GRIK4: variants seen among roughly 807,000 people sequenced by gnomAD.
GRIK4 encodes the protein glutamate ionotropic receptor kainate type subunit 4.
A neutral mutation model predicts 104.9 loss-of-function variants in GRIK4; 40 were observed. That is an observed-to-expected ratio of 0.38 (90% confidence interval 0.30 to 0.50). The LOEUF is 0.50. GRIK4 is among the 20% of genes least tolerant of loss of function. The pLI is 0.93. For missense variants in GRIK4, 1,047 were observed against 1,308.1 expected (o/e 0.80, Z 3.08); for synonymous variants, 485 against 524.9 (o/e 0.92, Z 1.04).
intron 13 of GRIK4, among the ~76,000 whole-genome samples, chr11:120,925,222 C>A (rs886639194): frequency 7.2e-4 from 109 of 152,140 alleles, no homozygotes; most frequent in African/African-American, 2.4e-3. Context: ...CAAAAACAGT[C>A]CTAATAACAG....
chr11:120,581,997 C>T (rs1214906318), intron 1 of GRIK4, among the ~76,000 whole-genome samples: 2 of 151,580 alleles, frequency 1.3e-5, no homozygotes, highest in East Asian at 1.9e-4. Flanking sequence ...TTAGTAGAGA[C>T]GGGGTTTCAC....
chr11:120,968,604 G>T (rs1398801812), intron 19 of GRIK4, among the ~76,000 whole-genome samples: 1 of 152,184 alleles, frequency 6.6e-6, no homozygotes, highest in African/African-American at 2.4e-5. Context: ...TACGGAGCAA[G>T]TATTTTTTAT....
At chr11:120,708,781 T>A (rs147267419) in intron 3 of GRIK4, among the ~76,000 whole-genome samples, 1 of 152,180 alleles carries the variant, frequency 6.6e-6, no homozygotes, top group Non-Finnish European at 1.5e-5. Flanking sequence ...AGTCTTTGCT[T>A]TGCGCAGGGC....
At chr11:120,839,286 G>C (rs1477235244) in intron 8 of GRIK4, among the ~76,000 whole-genome samples, 1 of 152,188 alleles carries the variant, frequency 6.6e-6, no homozygotes, top group East Asian at 1.9e-4. Flanking sequence ...TAGGTCCTCA[G>C]ATCAGCTTTT....
intron 3 of GRIK4, among the ~76,000 whole-genome samples, chr11:120,795,228 C>G (rs994748446): frequency 6.6e-6 from 1 of 152,218 alleles, no homozygotes; most frequent in African/African-American, 2.4e-5. Context: ...CAGCGAGGCT[C>G]TGGAAGAACT....
intron 3 of GRIK4, among the ~76,000 whole-genome samples, chr11:120,717,909 G>T (rs1318448990): frequency 6.6e-6 from 1 of 152,106 alleles, no homozygotes; most frequent in Non-Finnish European, 1.5e-5. Context: ...TCCCAGCAAG[G>T]CTGGGGTAGG....
chr11:120,622,404 G>A (rs1949201129), intron 1 of GRIK4, among the ~76,000 whole-genome samples: 2 of 152,188 alleles, frequency 1.3e-5, no homozygotes, highest in African/African-American at 4.8e-5. Flanking sequence ...TATCTGGGTA[G>A]TTTGACTTCA....
Position 120,819,626 on chromosome 11 carries a change from C to T in GRIK4, c.346-129C>T. ...AGTGGGTGCCCTGGGAGCTCCTTCT[C>T]CCATTGGTGTCTGGCGAAGGTGTTA... On this transcript the variant is annotated intron_variant, in intron 5 of 20. Coordinates refer to ENST00000527524, the MANE Select transcript of GRIK4 (RefSeq NM_014619.5). This position sits in a 1 kb window ranked among gnomAD's most constrained non-coding sequence, Gnocchi z 4.3. 1 of 805,122 alleles carries T rather than the reference C, an allele frequency of 1.2e-6. No individual in the cohort carries two copies. The highest frequency in any genetic ancestry group is 1.6e-5 in the South Asian group (1 of 63,256). 49.9% of individuals were successfully genotyped at this position (805,122 alleles called of 1,614,324 possible).
intron 10 of GRIK4, 41 bp downstream of exon 10, chr11:120,874,259 A>G: frequency 1.3e-6 from 2 of 1,550,224 alleles, no homozygotes; most frequent in South Asian, 1.1e-5. Flanking sequence ...TGCCCAGGCT[A>G]GTGGGGTGGG....
At chr11:120,791,063 G>T (rs928453804) in intron 3 of GRIK4, among the ~76,000 whole-genome samples, 1 of 152,188 alleles carries the variant, frequency 6.6e-6, no homozygotes, top group African/African-American at 2.4e-5. Flanking sequence ...GGGTTTTGGA[G>T]TTATCTGCAT....
At position 120,981,091 on chromosome 11, in the gene GRIK4, A is replaced by G. The variant is rs1944644130; in HGVS notation, c.2396-1015A>G. 2.6e-5 allele frequency among the ~76,000 whole-genome samples: 4 copies of G among 152,266 alleles called. No homozygotes were observed. The South Asian group carries it at 8.3e-4, about 32-fold the overall frequency. Reference sequence around the variant, plus strand: ...TCAGATGTGCAAGCATTCCTGAAAAACACGGGACACAAGAGACCCTCCTGG... The same window carrying G: ...TCAGATGTGCAAGCATTCCTGAAAAGCACGGGACACAAGAGACCCTCCTGG... On this transcript the variant is annotated intron_variant, in intron 19 of 20. Transcript: ENST00000527524.
intron 11 of GRIK4, among the ~76,000 whole-genome samples, chr11:120,877,964 G>T (rs1199848046): frequency 6.6e-6 from 1 of 152,206 alleles, no homozygotes; most frequent in Non-Finnish European, 1.5e-5. Context: ...TTGAAGGACA[G>T]CTGATTAGGC....
intron 11 of GRIK4, among the ~76,000 whole-genome samples, chr11:120,885,064 C>T (rs1026443463): frequency 3.3e-5 from 5 of 152,294 alleles, no homozygotes; most frequent in African/African-American, 9.6e-5. Flanking sequence ...CAAGGTACTT[C>T]TCCACCTGGT....
chr11:120,751,872 T>C (rs889516363), intron 3 of GRIK4, among the ~76,000 whole-genome samples: 5 of 152,160 alleles, frequency 3.3e-5, no homozygotes, highest in African/African-American at 1.2e-4. Flanking sequence ...TGAAGGTTCC[T>C]GGATCTCCTT....
At chr11:120,834,827 T>G (rs916606428) in intron 7 of GRIK4, among the ~76,000 whole-genome samples, 5 of 152,210 alleles carry the variant, frequency 3.3e-5, no homozygotes, top group African/African-American at 1.2e-4. Flanking sequence ...CTTTTATCTC[T>G]AGGACAGCAG....
At chr11:120,911,366 G>A (rs1408275390) in intron 13 of GRIK4, among the ~76,000 whole-genome samples, 2 of 149,684 alleles carry the variant, frequency 1.3e-5, no homozygotes, top group African/African-American at 4.9e-5. Context: ...AGCCTCCCGT[G>A]TAGCTGGGAC....
At chr11:120,597,113 G>C (rs138643614) in intron 1 of GRIK4, among the ~76,000 whole-genome samples, 1 of 152,304 alleles carries the variant, frequency 6.6e-6, no homozygotes, top group African/African-American at 2.4e-5. Flanking sequence ...CTTAGTCAAC[G>C]GCTGCTCCCA....
chr11:120,678,961 T>A (rs1950148605), intron 3 of GRIK4, among the ~76,000 whole-genome samples: 1 of 151,796 alleles, frequency 6.6e-6, no homozygotes, highest in Non-Finnish European at 1.5e-5. Context: ...TGTTTGTTTT[T>A]GTTTTTGTTT....
intron 1 of GRIK4, among the ~76,000 whole-genome samples, chr11:120,572,188 G>A (rs1226287657): frequency 6.6e-6 from 1 of 152,126 alleles, no homozygotes; most frequent in Non-Finnish European, 1.5e-5. Context: ...TGAGAGGCAC[G>A]AGTCTCCTTC....
Sources: allele counts gnomAD v4.1 joint callset (sites outside exome capture counted in the v4.1 genomes callset), GRCh38; gene constraint gnomAD v4.1.1; non-coding constraint Gnocchi (gnomAD v3.1); transcripts MANE v1.5; gene names NCBI Gene and HGNC (gene_info 2026-07-23, HGNC 2026-07-21).